The following AURKC variants were observed in gnomAD, a reference collection of about 807,000 sequenced individuals.
AURKC encodes the protein ARK-3.
AURKC carries 15 observed loss-of-function variants against 29.2 expected under a neutral mutation model. The observed-to-expected ratio is 0.51, with a 90% confidence interval of 0.34 to 0.79. The LOEUF is 0.79. Among genes scored for constraint, AURKC ranks in the 30% least tolerant of loss-of-function variants. The probability of loss-of-function intolerance (pLI) is 0.01; values close to 1 mark genes in which losing one functional copy is unlikely to be tolerated. For missense variants in AURKC, 332 were observed against 383.2 expected (o/e 0.87, Z 1.12); for synonymous variants, 150 against 149.9 (o/e 1.00, Z -0.01).
chr19:57,231,319 G>T lies in AURKC; in HGVS notation c.58+13G>T. 1 of 1,552,524 alleles carries T rather than the reference G, an allele frequency of 6.4e-7. No homozygotes were observed. The highest frequency in any genetic ancestry group is 2.4e-5 in the East Asian group (1 of 40,944). ...GCAGGCGAAGAGTGTGAGAGCCAGC[G>T]CCAGAGAAAGGACGCAGGGAAGGCT... On this transcript the variant is annotated intron_variant, in intron 1 of 6. Coordinates refer to ENST00000302804, the MANE Select transcript of AURKC (RefSeq NM_001015878.2).
chr19:57,231,979 C>T (rs2087496951), intron 2 of AURKC, 54 bp from the exon 3 acceptor site: 4 of 1,611,278 alleles, frequency 2.5e-6, no homozygotes, highest in African/African-American at 2.7e-5. Flanking sequence ...CCCTGACTTT[C>T]CCTCCGCCTA....
At chr19:57,233,365 T>C in intron 4 of AURKC, 95 bp from the exon 5 acceptor site, 1 of 1,573,844 alleles carries the variant, frequency 6.4e-7, no homozygotes, top group Non-Finnish European at 8.7e-7. Context: ...CCAAAAAGAT[T>C]CCACTGTAAT....
rs1398810905 is a variant in AURKC at position 57,232,556 on chromosome 19, T to G, written c.311T>G (p.Leu104Arg). Residue 104 changes from leucine to arginine, a missense_variant, in exon 4 of 7, where the codon CTG (leucine) becomes CGG (arginine). By Grantham distance (102) the Leu-to-Arg change is moderately radical. Coordinates refer to ENST00000302804, the MANE Select transcript of AURKC (RefSeq NM_001015878.2). The surrounding 1 kb of genome is among the most constrained non-coding windows in gnomAD (Gnocchi z 4.5). ...TAATCCTTCAGACACCCCAATATCC[T>G]GCGCCTGTATAACTATTTCCATGAT... is the stretch of plus-strand genomic sequence containing the variant. Reference protein sequence around the residue: ...IQAHLQHPNILRLYNYFHDAR... With the variant: ...IQAHLQHPNIRRLYNYFHDAR... 2.5e-5 allele frequency: 40 copies of G among 1,614,088 alleles called. No individual in the cohort carries two copies. The highest frequency in any genetic ancestry group is 3.3e-5 in the Non-Finnish European group (39 of 1,180,048).
chr19:57,232,060 A>T lies in AURKC; in HGVS notation c.132A>T (p.Glu44Asp). ...AMRRLTVDDF[E>D]IGRPLGKGKF... The stretch of plus-strand genomic sequence containing the variant: ...GGCGCCTCACAGTCGATGACTTTGA[A>T]ATCGGGCGTCCCCTGGGCAAGGGGA... Residue 44 changes from glutamate (E) to aspartate (D), a missense_variant, in exon 3 of 7, where the codon GAA becomes GAT. By Grantham distance (45) the Glu-to-Asp change is conservative. Coordinates refer to ENST00000302804, the MANE Select transcript of AURKC (RefSeq NM_001015878.2). The surrounding 1 kb of genome is among the most constrained non-coding windows in gnomAD (Gnocchi z 4.5). 1 of 1,614,074 alleles carries T rather than the reference A, an allele frequency of 6.2e-7. No individual in the cohort carries two copies. The highest frequency in any genetic ancestry group is 8.5e-7 in the Non-Finnish European group (1 of 1,180,012).
At position 57,231,072 on chromosome 19, in the gene AURKC, A is replaced by G; in HGVS notation, c.-177A>G. 1 of 1,451,476 alleles carries G rather than the reference A, an allele frequency of 6.9e-7. No individual in the cohort carries two copies. The highest frequency in any genetic ancestry group is 9.5e-7 in the Non-Finnish European group (1 of 1,054,592). 89.9% of individuals were successfully genotyped at this position (1,451,476 alleles called of 1,614,324 possible). ...GAAGGCCGCGCAGCCACGGCTGCTC[A>G]CGACGCCGCGGATCCCGAAGCCTGT... On this transcript the variant is annotated 5_prime_UTR_variant, in exon 1 of 7. Coordinates refer to ENST00000302804, the MANE Select transcript of AURKC (RefSeq NM_001015878.2).
Position 57,231,244 on chromosome 19 carries a change from T to C in AURKC, c.-5T>C. On this transcript the variant is annotated 5_prime_UTR_variant, in exon 1 of 7. Transcript: ENST00000302804. ...AAGGCGTCCGCGCCCTCACCTCTTC[T>C]CCCCATGAGCTCCCCCAGAGCTGTG... is the stretch of plus-strand genomic sequence containing the variant. 1 of 1,551,380 alleles carries C rather than the reference T, an allele frequency of 6.4e-7. No homozygotes were observed. Among genetic ancestry groups the C allele is most frequent in the Non-Finnish European group, 8.7e-7 (1 of 1,146,974 alleles).
Position 57,232,323 on chromosome 19 carries a change from G to A in AURKC, c.296+99G>A. On this transcript the variant is annotated intron_variant, in intron 3 of 6. Transcript: ENST00000302804. This position sits in a 1 kb window ranked among gnomAD's most constrained non-coding sequence, Gnocchi z 4.5. ...GTAAACCCTGCACTTGTACCTTGAA[G>A]ACTTCTCTGCAGTTCATTCCATTTA... 1 of 1,490,280 alleles carries A rather than the reference G, an allele frequency of 6.7e-7. No individual in the cohort carries two copies. Among genetic ancestry groups the A allele is most frequent in the Non-Finnish European group, 9.2e-7 (1 of 1,089,782 alleles). 92.3% of individuals were successfully genotyped at this position (1,490,280 alleles called of 1,614,324 possible). A position where few individuals can be genotyped will look rare whatever the true frequency, so the allele number is the denominator to read the frequency against.
At position 57,232,479 on chromosome 19, in the gene AURKC, G is replaced by A; in HGVS notation, c.297-63G>A. 1 of 1,611,798 alleles carries A rather than the reference G, an allele frequency of 6.2e-7. No individual in the cohort carries two copies. The highest frequency in any genetic ancestry group is 1.1e-5 in the South Asian group (1 of 90,922). Reference sequence around the variant, plus strand: ...TTTGCCACTTGTGTGACCAGGCAGTGACGGTGGCATCATATGATAGGCCTC... The same window carrying A: ...TTTGCCACTTGTGTGACCAGGCAGTAACGGTGGCATCATATGATAGGCCTC... On this transcript the variant is annotated intron_variant, in intron 3 of 6. Coordinates refer to ENST00000302804, the MANE Select transcript of AURKC (RefSeq NM_001015878.2). The surrounding 1 kb of genome is among the most constrained non-coding windows in gnomAD (Gnocchi z 4.5).
In AURKC at chr19:57,231,165, C is replaced by G. The variant is rs552823754; in HGVS notation, c.-84C>G. The G allele has an allele frequency of 4.5e-6, 7 of 1,551,068 alleles. No homozygotes were observed. In the South Asian group the frequency reaches 8.3e-5, roughly 18 times the overall value. The stretch of plus-strand genomic sequence containing the variant: ...GGAAGCGCCCCGGCCAGAAAGTGAC[C>G]CCCCACCCCTTTCAGGACCCTGTGA... On this transcript the variant is annotated 5_prime_UTR_variant, in exon 1 of 7. Transcript: ENST00000302804.
At position 57,232,230 on chromosome 19, in the gene AURKC, G is replaced by A. The variant is rs544786044; in HGVS notation, c.296+6G>A. 1 of 1,613,594 alleles carries A rather than the reference G, an allele frequency of 6.2e-7. No homozygotes were observed. The highest frequency in any genetic ancestry group is 8.5e-7 in the Non-Finnish European group (1 of 1,180,004). On this transcript the variant is annotated splice_donor_region_variant and intron_variant, in intron 3 of 6. Coordinates refer to ENST00000302804, the MANE Select transcript of AURKC (RefSeq NM_001015878.2). The surrounding 1 kb of genome is among the most constrained non-coding windows in gnomAD (Gnocchi z 4.5). ...GAGATCCAGGCTCATCTACAGTAAG[G>A]ACAGTCTCTGCTTCCTCTTTCATCT...
chr19:57,235,176 T>A (rs776756991), intron 6 of AURKC, 71 bp from the exon 7 acceptor site: 28 of 1,611,052 alleles, frequency 1.7e-5, no homozygotes, highest in Non-Finnish European at 2.4e-5. Context: ...TTAACAAGGC[T>A]CAAAGAAGAG....
chr19:57,233,106 T>C (rs183726644), intron 4 of AURKC, among the ~76,000 whole-genome samples: 19 of 152,296 alleles, frequency 1.2e-4, no homozygotes, highest in Admixed American at 9.8e-4. Flanking sequence ...GCTTGCTGTG[T>C]CAGGATGAGT....
Position 57,234,861 on chromosome 19 carries a change from T to C in AURKC, c.585-23T>C, listed in dbSNP as rs369872254. On this transcript the variant is annotated intron_variant, in intron 5 of 6. Coordinates refer to ENST00000302804, the MANE Select transcript of AURKC (RefSeq NM_001015878.2). ...ATCCTGGGCCTCTGCTTAGTACTTA[T>C]TCCCTTTTCTGCCTTCCTCTAGGAG... The C allele has an allele frequency of 3.4e-5, 55 of 1,613,984 alleles. No individual in the cohort carries two copies. In the African/African-American group the frequency reaches 6.5e-4, roughly 19 times the overall value.
intron 6 of AURKC, 57 bp downstream of exon 6, chr19:57,235,115 C>G (rs1345645929): frequency 7.4e-6 from 12 of 1,611,912 alleles, no homozygotes; most frequent in African/African-American, 1.3e-5. Flanking sequence ...GGCTGCTGGG[C>G]TGTGGGCACA....
chr19:57,233,578 T>G lies in AURKC; in HGVS notation c.554T>G (p.Phe185Cys). ...GFRGEVKIADFGWSVHTPSLR... is the reference protein window; with the variant it reads ...GFRGEVKIADCGWSVHTPSLR... Reference sequence around the variant, plus strand: ...AGGGGTGAGGTGAAGATTGCAGATTTTGGCTGGTCTGTGCACACCCCCTCC... The same window carrying G: ...AGGGGTGAGGTGAAGATTGCAGATTGTGGCTGGTCTGTGCACACCCCCTCC... Residue 185 changes from phenylalanine to cysteine, a missense_variant, in exon 5 of 7, where the codon TTT becomes TGT. Transcript: ENST00000302804. 1 of 1,613,982 alleles carries G rather than the reference T, an allele frequency of 6.2e-7. No homozygotes were observed. The highest frequency in any genetic ancestry group is 8.5e-7 in the Non-Finnish European group (1 of 1,180,020).
At chr19:57,233,958 C>G (rs2122807509) in intron 5 of AURKC, among the ~76,000 whole-genome samples, 1 of 151,776 alleles carries the variant, frequency 6.6e-6, no homozygotes, top group South Asian at 2.1e-4. Context: ...TCTCGAACTC[C>G]TGACCTCAGG....
Position 57,231,744 on chromosome 19 carries a change from G to A in AURKC, c.61G>A (p.Ala21Thr). The A allele has an allele frequency of 1.2e-6, 2 of 1,613,226 alleles. No individual in the cohort carries two copies. The highest frequency in any genetic ancestry group is 1.7e-6 in the Non-Finnish European group (2 of 1,179,894). Residue 21 changes from alanine to threonine, a missense_variant and splice_region_variant, in exon 2 of 7, where the codon GCT (alanine) becomes ACT (threonine). Ala to Thr is a moderately conservative substitution (Grantham distance 58, BLOSUM62 0). Transcript: ENST00000302804. ...TCCCTCCTCCTCCTCTCTTTCAGTGGCTACAGCAAACCAAACAGCCCAGCA... is the reference window on the plus strand; with the variant it reads ...TCCCTCCTCCTCCTCTCTTTCAGTGACTACAGCAAACCAAACAGCCCAGCA... The part of the protein sequence containing the change: ...GKAQPAGEEL[A>T]TANQTAQQPS...
intron 1 of AURKC, 28 bp from the exon 2 acceptor site, chr19:57,231,714 C>G: frequency 6.2e-7 from 1 of 1,613,208 alleles, no homozygotes; most frequent in South Asian, 1.1e-5. Flanking sequence ...CTCTCCCTTC[C>G]TATCTCCCTC....
rs2087502763 is a variant in AURKC, at chr19:57,232,470, C to T, written c.297-72C>T. On this transcript the variant is annotated intron_variant, in intron 3 of 6. Coordinates refer to ENST00000302804, the MANE Select transcript of AURKC (RefSeq NM_001015878.2). This position sits in a 1 kb window ranked among gnomAD's most constrained non-coding sequence, Gnocchi z 4.5. ...CCAGCATAATTTGCCACTTGTGTGA[C>T]CAGGCAGTGACGGTGGCATCATATG... is the stretch of plus-strand genomic sequence containing the variant. 2.5e-6 allele frequency: 4 copies of T among 1,608,706 alleles called. No homozygotes were observed. Among genetic ancestry groups the T allele is most frequent in the Non-Finnish European group, 3.4e-6 (4 of 1,176,734 alleles).
Sources: gnomAD v4.1 joint callset for allele counts (sites outside exome capture counted in the v4.1 genomes callset) on GRCh38, gnomAD v4.1.1 for gene constraint, Gnocchi (gnomAD v3.1) non-coding constraint, MANE v1.5 for transcripts, NCBI Gene and HGNC (gene_info 2026-07-23, HGNC 2026-07-21) for gene names.